The following TXLNB variants were observed in gnomAD, a reference collection of about 807,000 sequenced individuals.
TXLNB encodes the protein taxilin beta.
Under a neutral mutation model 57.4 loss-of-function variants are expected in TXLNB, and 37 were observed. The ratio of observed to expected loss-of-function variants is 0.64; its 90% CI spans 0.50 to 0.85. The LOEUF is 0.85. TXLNB is among the 40% of genes least tolerant of loss of function. The pLI, the probability that TXLNB is intolerant of heterozygous loss-of-function variation, is 0.00. For missense variants in TXLNB, 848 were observed against 825.6 expected, an observed-to-expected ratio of 1.03 and a Z score of -0.33; for synonymous variants, 302 against 309.6, an observed-to-expected ratio of 0.98 and a Z score of 0.26.
intron 2 of TXLNB, among the ~76,000 whole-genome samples, chr6:139,280,506 G>A (rs1277720259): frequency 2.0e-5 from 3 of 151,432 alleles, no homozygotes; most frequent in Admixed American, 6.6e-5. Context: ...TTAGCTGGGC[G>A]TGGTGGCGCA....
intron 7 of TXLNB, among the ~76,000 whole-genome samples, chr6:139,250,184 T>G (rs866797685): frequency 2.0e-5 from 3 of 150,180 alleles, no homozygotes; most frequent in Admixed American, 2.0e-4. Flanking sequence ...TGGCTTTTTT[T>G]TTTTTTTTTT....
chr6:139,160,239 G>A, the TXLNB span, among the ~76,000 whole-genome samples: 1 of 152,126 alleles, frequency 6.6e-6, no homozygotes, highest in African/African-American at 2.4e-5. Flanking sequence ...GGCCTTGGAA[G>A]GTTTATATAC....
the TXLNB span, among the ~76,000 whole-genome samples, chr6:139,217,800 C>T: frequency 3.0e-5 from 4 of 133,526 alleles, no homozygotes; most frequent in African/African-American, 8.6e-5. Flanking sequence ...ACCTGGGAGG[C>T]GGAGGTGGCA....
rs1775990218 is a variant in TXLNB, at chr6:139,243,104, C to T, written c.1477G>A (p.Val493Ile). The T allele has an allele frequency of 1.2e-6, 2 of 1,614,066 alleles. No homozygotes were observed. The highest frequency in any genetic ancestry group is 1.7e-5 in the Admixed American group (1 of 59,992). The change falls in exon 10 of 10, where the codon GTT (valine) becomes ATT (isoleucine). Residue 493 changes from valine to isoleucine, a missense_variant. Val to Ile is a conservative substitution (Grantham distance 29). Coordinates refer to ENST00000358430, the MANE Select transcript of TXLNB (RefSeq NM_153235.4). Reference sequence around the variant, plus strand: ...TTCACGGCGGTTTGGACACTATTAACCTCCTCTGCGTCAATCTCTTGATCC... The same window carrying T: ...TTCACGGCGGTTTGGACACTATTAATCTCCTCTGCGTCAATCTCTTGATCC... ...SVDQEIDAEEVNSVQTAVKNL... is the reference protein window; with the variant it reads ...SVDQEIDAEEINSVQTAVKNL...
upstream of TXLNB, among the ~76,000 whole-genome samples, chr6:139,296,467 T>G (rs1433196788): frequency 6.6e-6 from 1 of 151,054 alleles, no homozygotes; most frequent in African/African-American, 2.4e-5. Context: ...GGCATCTTTA[T>G]CATGATGTTC....
rs754160646 is a variant in TXLNB, at chr6:139,242,739, G to T, written c.1842C>A (p.Ala614=). Residue 614 remains alanine, a synonymous_variant, in exon 10 of 10, where the codon GCC becomes GCA. Transcript: ENST00000358430. ...WKPEAEASGQ[A]PQAPTEASLQ... ...GGGAGGCCTCGGTGGGAGCCTGTGG[G>T]GCCTGACCGGAAGCTTCTGCCTCTG... 1.2e-6 allele frequency: 2 copies of T among 1,613,018 alleles called. No individual in the cohort carries two copies. The highest frequency in any genetic ancestry group is 1.7e-6 in the Non-Finnish European group (2 of 1,179,642).
chr6:139,166,392 C>A, the TXLNB span: 1 of 1,614,232 alleles, frequency 6.2e-7, no homozygotes, highest in Admixed American at 1.7e-5. Context: ...CCCTGCAGCA[C>A]CTGGATGCAC....
chr6:139,238,885 T>C (rs1775866149), downstream of TXLNB, among the ~76,000 whole-genome samples: 1 of 152,234 alleles, frequency 6.6e-6, no homozygotes, highest in Non-Finnish European at 1.5e-5. Flanking sequence ...TGGATTTAAC[T>C]ACTGGTTAGA....
At chr6:139,201,242 T>A in the TXLNB span, among the ~76,000 whole-genome samples, 1 of 152,206 alleles carries the variant, frequency 6.6e-6, no homozygotes, top group East Asian at 1.9e-4. Context: ...TGGAGGCCAG[T>A]GTTTTGGACT....
intron 2 of TXLNB, among the ~76,000 whole-genome samples, chr6:139,282,021 A>G (rs1383560443): frequency 1.3e-5 from 2 of 151,632 alleles, no homozygotes; most frequent in Non-Finnish European, 2.9e-5. Flanking sequence ...CTGCTTCTGT[A>G]AACTCTCCTC....
chr6:139,214,702 G>A, the TXLNB span, among the ~76,000 whole-genome samples: 1 of 152,210 alleles, frequency 6.6e-6, no homozygotes, highest in African/African-American at 2.4e-5. Context: ...CCTCTTTGCA[G>A]ATGACACGAT....
At chr6:139,213,865 C>G in the TXLNB span, among the ~76,000 whole-genome samples, 1 of 152,078 alleles carries the variant, frequency 6.6e-6, no homozygotes, top group Admixed American at 6.6e-5. Context: ...CGCAAATAAA[C>G]TAGAAAATCT....
chr6:139,216,241 T>C, the TXLNB span, among the ~76,000 whole-genome samples: 1 of 151,152 alleles, frequency 6.6e-6, no homozygotes, highest in South Asian at 2.1e-4. Flanking sequence ...CCAACAATGA[T>C]AGACTGGATT....
At chr6:139,274,734 C>G (rs2114584052) in intron 3 of TXLNB, among the ~76,000 whole-genome samples, 1 of 152,186 alleles carries the variant, frequency 6.6e-6, no homozygotes, top group Non-Finnish European at 1.5e-5. Context: ...AATGTAACAC[C>G]ACACATCACT....
chr6:139,181,532 CCTTT>C, the TXLNB span, among the ~76,000 whole-genome samples: 2 of 152,156 alleles, frequency 1.3e-5, no homozygotes, highest in African/African-American at 4.8e-5. Context: ...ATTCAGGTCA[CCTTT>C]ATTTTACCCA....
Position 139,255,658 on chromosome 6 carries a change from G to A in TXLNB, c.1003-20C>T, listed in dbSNP as rs993966318. 3.1e-5 allele frequency: 49 copies of A among 1,602,600 alleles called. No individual in the cohort carries two copies. Among genetic ancestry groups the A allele is most frequent in the Non-Finnish European group, 3.9e-5 (46 of 1,171,128 alleles). ...CAGCAACTATGAGAAGAGAGAGTGT[G>A]TGGAAAGATGGTCAGATTTGCCTTT... On this transcript the variant is annotated intron_variant, in intron 6 of 9. Transcript: ENST00000358430.
upstream of TXLNB, among the ~76,000 whole-genome samples, chr6:139,293,994 G>A (rs1047633218): frequency 3.3e-5 from 5 of 152,062 alleles, no homozygotes; most frequent in Admixed American, 2.6e-4. Context: ...TTTAAATAAT[G>A]TATAGACTCA....
chr6:139,169,383 C>T, the TXLNB span, among the ~76,000 whole-genome samples: 1 of 152,144 alleles, frequency 6.6e-6, no homozygotes, highest in African/African-American at 2.4e-5. Context: ...TACAAATTTT[C>T]TGTTCTTACA....
At chr6:139,251,544 ATG>A (rs1562274188) in intron 7 of TXLNB, 1 of 152,214 alleles carries the variant, frequency 6.6e-6, no homozygotes, top group East Asian at 1.9e-4. Context: ...GTTTGGTTTC[ATG>A]TGTCATATTC....
Sources: allele counts gnomAD v4.1 joint callset (sites outside exome capture counted in the v4.1 genomes callset), GRCh38; gene constraint gnomAD v4.1.1; transcripts MANE v1.5; gene names NCBI Gene and HGNC (gene_info 2026-07-23, HGNC 2026-07-21).